Variants in GPAT4 observed in about 807,000 individuals in gnomAD.
GPAT4 encodes glycerol-3-phosphate acyltransferase 4, also known as 1-AGP acyltransferase 6.
Under a neutral mutation model 58.0 loss-of-function variants are expected in GPAT4, and 17 were observed. The observed-to-expected ratio is 0.29, with a 90% CI of 0.20 to 0.44. The LOEUF is 0.44. GPAT4 is among the 20% of genes least tolerant of loss of function. The probability of loss-of-function intolerance (pLI) is 1.00; values close to 1 mark genes in which losing one functional copy is unlikely to be tolerated. For missense variants in GPAT4, 377 were observed against 574.5 expected, an observed-to-expected ratio of 0.66 and a Z score of 3.51; for synonymous variants, 204 against 210.1, an observed-to-expected ratio of 0.97 and a Z score of 0.25.
chr8:41,595,226 T>G (rs1393307540), intron 1 of GPAT4, among the ~76,000 whole-genome samples: 1 of 150,468 alleles, frequency 6.6e-6, no homozygotes, highest in East Asian at 2.0e-4. Context: ...GAGTTCCTCC[T>G]AGGTCTGGTT....
chr8:41,582,369 G>A (rs973846547), intron 1 of GPAT4, among the ~76,000 whole-genome samples: 14 of 151,488 alleles, frequency 9.2e-5, no homozygotes, highest in Non-Finnish European at 1.8e-4. Context: ...GAACCTAAAG[G>A]CAGTCCTGGT....
chr8:41,610,083 C>G lies in GPAT4; in HGVS notation c.536+128C>G, dbSNP rs919011073. The G allele has an allele frequency of 8.8e-6, 13 of 1,483,938 alleles. No individual in the cohort carries two copies. The African/African-American group carries it at 1.7e-4, about 19-fold the overall frequency. 91.9% of individuals were successfully genotyped at this position (1,483,938 alleles called of 1,614,324 possible). ...GGAATGACTGTCGTTAGCCAGGCCA[C>G]GTGACTCTTTGGAGGGATACACTGG... On this transcript the variant is annotated intron_variant, in intron 4 of 12. Transcript: ENST00000396987.
Position 41,609,895 on chromosome 8 carries a change from G to T in GPAT4, c.476G>T (p.Arg159Leu). ...TNYNFQYISL[R>L]LTVLWGLGVL... ...TATAACTTCCAGTACATCAGCCTTC[G>T]GCTCACGGTCCTGTGGGGGTTAGGA... The change falls in exon 4 of 13, where the codon CGG becomes CTG. Residue 159 changes from arginine to leucine, a missense_variant. Transcript: ENST00000396987. The T allele has an allele frequency of 6.2e-7, 1 of 1,614,180 alleles. No homozygotes were observed. The highest frequency in any genetic ancestry group is 8.5e-7 in the Non-Finnish European group (1 of 1,180,020).
chr8:41,616,759 T>A (rs1803605998), intron 10 of GPAT4, among the ~76,000 whole-genome samples: 1 of 152,240 alleles, frequency 6.6e-6, no homozygotes, highest in Admixed American at 6.5e-5. Context: ...AAATTTTAGA[T>A]ACATTTCCAT....
chr8:41,597,830 G>A (rs1262795026), intron 1 of GPAT4, among the ~76,000 whole-genome samples: 1 of 151,498 alleles, frequency 6.6e-6, no homozygotes, highest in Non-Finnish European at 1.5e-5. Flanking sequence ...ATACGTCCTT[G>A]TTGCCTGGCC....
chr8:41,600,660 G>C (rs565523769), intron 2 of GPAT4, among the ~76,000 whole-genome samples: 10 of 151,938 alleles, frequency 6.6e-5, no homozygotes, highest in African/African-American at 2.4e-4. Context: ...AGAGTGAACA[G>C]TTCAGTAGCG....
At chr8:41,606,489 G>A (rs186504382) in intron 2 of GPAT4, among the ~76,000 whole-genome samples, 1 of 152,220 alleles carries the variant, frequency 6.6e-6, no homozygotes, top group African/African-American at 2.4e-5. Context: ...GGTCCAGTAG[G>A]GTTTGTAGGG....
chr8:41,578,746 TTTTTCTTTAGGA>T (rs1802432711), intron 1 of GPAT4, among the ~76,000 whole-genome samples: 1 of 152,218 alleles, frequency 6.6e-6, no homozygotes, highest in South Asian at 2.1e-4. Context: ...CATGCTCCCA[TTTTTCTTTAGGA>T]TTTCTTAACT....
intron 1 of GPAT4, among the ~76,000 whole-genome samples, chr8:41,583,245 A>T (rs1465596886): frequency 1.3e-5 from 2 of 151,894 alleles, no homozygotes; most frequent in South Asian, 2.1e-4. Flanking sequence ...ATATATATAT[A>T]TGTACAAGAA....
intron 12 of GPAT4, 50 bp downstream of exon 12, chr8:41,619,027 T>G (rs1395165830): frequency 6.3e-7 from 1 of 1,587,292 alleles, no homozygotes; most frequent in African/African-American, 1.3e-5. Context: ...GCAGATGCTG[T>G]GTCATTGACT....
chr8:41,600,458 A>G (rs530035697), intron 2 of GPAT4, among the ~76,000 whole-genome samples: 155 of 152,296 alleles, frequency 1.0e-3, no homozygotes, highest in African/African-American at 3.3e-3. Flanking sequence ...CATTTTATCA[A>G]TGAAGAAAAA....
At chr8:41,582,441 GTA>G (rs1802540895) in intron 1 of GPAT4, among the ~76,000 whole-genome samples, 2 of 114,804 alleles carry the variant, frequency 1.7e-5, no homozygotes, top group South Asian at 2.7e-4. Context: ...GGGTGGGAAA[GTA>G]TACACACACA....
Position 41,623,889 on chromosome 8 carries a change from G to T in GPAT4, c.*2888G>T, listed in dbSNP as rs1057358061. The stretch of plus-strand genomic sequence containing the variant: ...TTTCACTCTTGTTGCCCATGCTGGA[G>T]TGCAATGGCACAATCTCAGCTCCAC... On this transcript the variant is annotated 3_prime_UTR_variant, in exon 13 of 13. Transcript: ENST00000396987. 25 of 151,616 alleles carry T rather than the reference G, an allele frequency of 1.6e-4. No individual in the cohort carries two copies. The highest frequency in any genetic ancestry group is 5.8e-4 in the African/African-American group (24 of 41,176). The allele number at this position is 151,616 out of a possible 1,614,324, so 9.4% of individuals were successfully genotyped here. A position where few individuals can be genotyped will look rare whatever the true frequency, so the allele number is the denominator to read the frequency against.
chr8:41,612,877 G>A lies in GPAT4; in HGVS notation c.828G>A (p.Val276=), dbSNP rs1213695047. The A allele has an allele frequency of 2.5e-5, 41 of 1,613,986 alleles. No individual in the cohort carries two copies. The highest frequency in any genetic ancestry group is 3.5e-5 in the Non-Finnish European group (41 of 1,180,024). Residue 276 remains valine, a synonymous_variant, in exon 8 of 13, where the codon GTG becomes GTA. Coordinates refer to ENST00000396987, the MANE Select transcript of GPAT4 (RefSeq NM_178819.4). The part of the protein sequence containing the change: ...VGQVHGGLMG[V]IQRAMVKACP... ...AAGTGCACGGGGGACTCATGGGTGT[G>A]ATTCAGAGAGCCATGGTGAAGGCCT...
At position 41,583,903 on chromosome 8, in the gene GPAT4, G is replaced by T. The variant is rs376371898; in HGVS notation, c.-849+5625G>T. ...GAATTTGTGCGCTTGTGATGAAAAG[G>T]TTTCATTTTTTAAGACAGGGTCTTG... is the stretch of plus-strand genomic sequence containing the variant. On this transcript the variant is annotated intron_variant, in intron 1 of 12. Transcript: ENST00000396987. Among the ~76,000 whole-genome samples, 34 of 152,242 alleles carry T rather than the reference G, an allele frequency of 2.2e-4. 2 individuals carry two copies. The East Asian group carries it at 4.6e-3, about 21-fold the overall frequency.
intron 1 of GPAT4, among the ~76,000 whole-genome samples, chr8:41,587,783 A>G (rs1228539972): frequency 6.6e-6 from 1 of 152,220 alleles, no homozygotes; most frequent in Non-Finnish European, 1.5e-5. Flanking sequence ...ATACATTTCT[A>G]GAAGTGGAAT....
Position 41,598,684 on chromosome 8 carries a change from G to A in GPAT4, c.-456G>A, listed in dbSNP as rs1002876239. 3 of 155,910 alleles carry A rather than the reference G, an allele frequency of 1.9e-5. No individual in the cohort carries two copies. Among genetic ancestry groups the A allele is most frequent in the Non-Finnish European group, 4.2e-5 (3 of 70,802 alleles). 9.7% of individuals were successfully genotyped at this position (155,910 alleles called of 1,614,324 possible). On this transcript the variant is annotated 5_prime_UTR_variant, in exon 2 of 13. Transcript: ENST00000396987. ...CACAGGAGTTATCAGGATTTTTCTG[G>A]CACCAAGTTTAATTCTTCTTCGTAC... is the stretch of plus-strand genomic sequence containing the variant.
rs1802593123 is a variant in GPAT4 at position 41,584,102 on chromosome 8, GTCCAGGCTGTTGTTGAAC to G, written c.-849+5828_-849+5845del. On this transcript the variant is annotated intron_variant, in intron 1 of 12. Transcript: ENST00000396987. ...AGTAGAAATGGGGTCTCTCCTTGTT[GTCCAGGCTGTTGTTGAAC>G]TCCTGTCCTCAAGTGATCCGCCCAC... Among the ~76,000 whole-genome samples the G allele has an allele frequency of 6.6e-5, 10 of 152,242 alleles. 1 individual carries two copies. The South Asian group carries it at 2.1e-3, about 32-fold the overall frequency.
chr8:41,595,976 A>G (rs1235554522), intron 1 of GPAT4, among the ~76,000 whole-genome samples: 1 of 152,042 alleles, frequency 6.6e-6, no homozygotes, highest in African/African-American at 2.4e-5. Context: ...ATGAACAGGA[A>G]CTGGTCTAGG....
Sources: allele counts gnomAD v4.1 joint callset (sites outside exome capture counted in the v4.1 genomes callset), GRCh38; gene constraint gnomAD v4.1.1; transcripts MANE v1.5; gene names NCBI Gene and HGNC (gene_info 2026-07-23, HGNC 2026-07-21).